The following DAB2IP variants were observed in gnomAD, a reference collection of about 807,000 sequenced individuals.
DAB2IP encodes the protein disabled homolog 2-interacting protein.
DAB2IP carries 28 observed loss-of-function variants against 107.2 expected under a neutral mutation model. That is an observed-to-expected ratio of 0.26 (90% CI 0.19 to 0.36). The LOEUF (loss-of-function observed/expected upper bound fraction) is 0.36. DAB2IP is among the 10% of genes least tolerant of loss of function. DAB2IP has a pLI of 1.00. For synonymous variants in DAB2IP, 755 were observed against 706.4 expected (o/e 1.07, Z -1.09); for missense variants, 1,400 against 1,644.7 (o/e 0.85, Z 2.57).
At chr9:121,612,298 A>G (rs571075677) in intron 1 of DAB2IP, among the ~76,000 whole-genome samples, 2 of 152,114 alleles carry the variant, frequency 1.3e-5, no homozygotes, top group African/African-American at 4.8e-5. Context: ...CTGCACTCCC[A>G]CTTTGGTAGC....
At chr9:121,754,817 C>T (rs972738846) in intron 3 of DAB2IP, among the ~76,000 whole-genome samples, 1 of 152,092 alleles carries the variant, frequency 6.6e-6, no homozygotes, top group East Asian at 1.9e-4. Context: ...AAGCATGCCT[C>T]GCCTCTCCTC....
upstream of DAB2IP, among the ~76,000 whole-genome samples, chr9:121,647,435 C>A (rs1039869152): frequency 6.6e-6 from 1 of 152,202 alleles, no homozygotes; most frequent in Non-Finnish European, 1.5e-5. Flanking sequence ...TCAAGACTGC[C>A]TTGGGCTAGC....
exon 7 of DAB2IP, chr9:121,763,557 A>G (rs1201783012): frequency 1.9e-6 from 3 of 1,613,820 alleles, no homozygotes; most frequent in African/African-American, 1.3e-5. Flanking sequence ...GGGGACAACG[A>G]GCACCTCATC....
At chr9:121,636,714 C>T (rs1040768379) in intron 1 of DAB2IP, among the ~76,000 whole-genome samples, 4 of 152,326 alleles carry the variant, frequency 2.6e-5, no homozygotes, top group African/African-American at 7.2e-5. Flanking sequence ...TGTTCTGAAC[C>T]GCCAGTCCCA....
At chr9:121,580,684 G>A (rs1018193041) in intron 1 of DAB2IP, among the ~76,000 whole-genome samples, 1 of 152,024 alleles carries the variant, frequency 6.6e-6, no homozygotes, top group Admixed American at 6.6e-5. Context: ...GAGTCCAGTG[G>A]CGCAATCTCA....
At chr9:121,735,563 A>G (rs1326152734) in intron 3 of DAB2IP, among the ~76,000 whole-genome samples, 1 of 152,162 alleles carries the variant, frequency 6.6e-6, no homozygotes, top group African/African-American at 2.4e-5. Flanking sequence ...GGCAGGACCT[A>G]GGTGGGACTC....
At chr9:121,675,468 G>A (rs1833863732) in intron 1 of DAB2IP, among the ~76,000 whole-genome samples, 1 of 152,228 alleles carries the variant, frequency 6.6e-6, no homozygotes, top group Non-Finnish European at 1.5e-5. Flanking sequence ...TCCTGACTGT[G>A]CCTGGCACTG....
At chr9:121,588,997 C>T (rs1830368836) in intron 1 of DAB2IP, among the ~76,000 whole-genome samples, 1 of 152,066 alleles carries the variant, frequency 6.6e-6, no homozygotes, top group Non-Finnish European at 1.5e-5. Flanking sequence ...AGGCATTCCC[C>T]TCCAGCAACC....
At chr9:121,700,647 T>G (rs1237933964) in intron 3 of DAB2IP, among the ~76,000 whole-genome samples, 1 of 152,168 alleles carries the variant, frequency 6.6e-6, no homozygotes, top group African/African-American at 2.4e-5. Context: ...ACAGCCCAAC[T>G]CCTGCCCAAG....
exon 16 of DAB2IP, chr9:121,785,212 C>T (rs190654149): frequency 1.3e-5 from 2 of 152,812 alleles, no homozygotes; most frequent in East Asian, 3.9e-4. Context: ...AGAGCATCTG[C>T]CCCAGGTACA....
intron 1 of DAB2IP, among the ~76,000 whole-genome samples, chr9:121,658,794 G>A (rs1408528309): frequency 2.6e-5 from 4 of 152,286 alleles, no homozygotes; most frequent in South Asian, 2.1e-4. Context: ...GAAATGCGGC[G>A]GTGCTCAGTC....
chr9:121,607,180 GT>G (rs954466278), intron 1 of DAB2IP, among the ~76,000 whole-genome samples: 27 of 152,318 alleles, frequency 1.8e-4, no homozygotes, highest in African/African-American at 6.5e-4. Context: ...GTAGGTGACA[GT>G]GGCTGATACC....
chr9:121,716,807 GC>G (rs1830628100), intron 3 of DAB2IP, among the ~76,000 whole-genome samples: 1 of 152,288 alleles, frequency 6.6e-6, no homozygotes, highest in Admixed American at 6.5e-5. Flanking sequence ...ACCAAGGTAG[GC>G]GTGGTAATTC....
rs941855113 is a variant in DAB2IP at position 121,662,437 on chromosome 9, G to A, written c.124+10538G>A. Among the ~76,000 whole-genome samples the A allele has an allele frequency of 4.6e-5, 7 of 152,228 alleles. No homozygotes were observed. The highest frequency in any genetic ancestry group is 1.7e-4 in the African/African-American group (7 of 41,444). ...AGTCAGAAGAAGGAGAACATAGGGA[G>A]TTATATGAAATTCAAATTTCAATGC... On this transcript the variant is annotated intron_variant, in intron 1 of 15. Coordinates refer to ENST00000408936, the Ensembl canonical transcript of DAB2IP. This position sits in a 1 kb window ranked among gnomAD's most constrained non-coding sequence, Gnocchi z 4.6.
intron 1 of DAB2IP, among the ~76,000 whole-genome samples, chr9:121,605,988 A>G (rs1830858139): frequency 1.3e-5 from 2 of 152,168 alleles, no homozygotes; most frequent in African/African-American, 2.4e-5. Context: ...TCTGTCCCTG[A>G]GTTCAGAGAG....
intron 1 of DAB2IP, among the ~76,000 whole-genome samples, chr9:121,600,259 T>G (rs915858456): frequency 6.6e-6 from 1 of 152,016 alleles, no homozygotes; most frequent in Admixed American, 6.5e-5. Flanking sequence ...GCACCCAAGT[T>G]TTGGGTGTTT....
chr9:121,571,983 C>CAGGTGAT (rs1829955558), intron 1 of DAB2IP, among the ~76,000 whole-genome samples: 1 of 151,500 alleles, frequency 6.6e-6, no homozygotes, highest in African/African-American at 2.4e-5. Context: ...ATTGGGGTGA[C>CAGGTGAT]GGCCAGACAA....
intron 1 of DAB2IP, among the ~76,000 whole-genome samples, chr9:121,602,542 T>C (rs2118956084): frequency 6.6e-6 from 1 of 151,624 alleles, no homozygotes; most frequent in East Asian, 1.9e-4. Flanking sequence ...TACAGGCACA[T>C]GCCACCATGC....
chr9:121,701,664 C>T lies in DAB2IP; in HGVS notation c.362+2206C>T, dbSNP rs758794889. Among the ~76,000 whole-genome samples, 1 of 152,140 alleles carries T rather than the reference C, an allele frequency of 6.6e-6. No homozygotes were observed. Among genetic ancestry groups the T allele is most frequent in the African/African-American group, 2.4e-5 (1 of 41,432 alleles). ...CTGCTTTGCTTAGGAACAGATTCGT[C>T]GGCTGCTGCTGGGATGGATGGGCAG... On this transcript the variant is annotated intron_variant, in intron 3 of 15. Transcript: ENST00000408936. The surrounding 1 kb of genome is among the most constrained non-coding windows in gnomAD (Gnocchi z 4.7).
Sources: allele counts gnomAD v4.1 joint callset (sites outside exome capture counted in the v4.1 genomes callset), GRCh38; gene constraint gnomAD v4.1.1; non-coding constraint Gnocchi (gnomAD v3.1); transcripts MANE v1.5; gene names NCBI Gene and HGNC (gene_info 2026-07-23, HGNC 2026-07-21).